ADCY2: variants seen among roughly 807,000 people sequenced by gnomAD.
ADCY2 encodes adenylate cyclase 2.
In ADCY2, 31 loss-of-function variants were observed where a neutral mutation model predicts 125.2. That is an observed-to-expected ratio of 0.25 (90% CI 0.19 to 0.33). The LOEUF (loss-of-function observed/expected upper bound fraction) is 0.33. Among genes scored for constraint, ADCY2 ranks in the 10% least tolerant of loss-of-function variants. ADCY2 has a pLI of 1.00. For synonymous variants in ADCY2, 512 were observed against 548.4 expected, an observed-to-expected ratio of 0.93 and a Z score of 0.93; for missense variants, 904 against 1,418.2, an observed-to-expected ratio of 0.64 and a Z score of 5.82.
At chr5:7,503,243 C>T (rs1048184771) in intron 2 of ADCY2, among the ~76,000 whole-genome samples, 2 of 152,126 alleles carry the variant, frequency 1.3e-5, no homozygotes, top group African/African-American at 4.8e-5. Context: ...CATATAAGTG[C>T]TTTTAATTGT....
chr5:7,446,538 A>G (rs1741258706), intron 2 of ADCY2, among the ~76,000 whole-genome samples: 1 of 92,640 alleles, frequency 1.1e-5, no homozygotes, highest in Admixed American at 9.7e-5. Flanking sequence ...TCTGAAATAA[A>G]TACATACATA....
intron 6 of ADCY2, 77 bp downstream of exon 6, chr5:7,695,940 A>G (rs1400133598): frequency 2.2e-6 from 2 of 922,938 alleles, no homozygotes; most frequent in African/African-American, 1.7e-5. Flanking sequence ...ACCTATCAAT[A>G]GTTTACTTTT....
intron 3 of ADCY2, among the ~76,000 whole-genome samples, chr5:7,621,243 T>C (rs1426499168): frequency 6.6e-6 from 1 of 152,100 alleles, no homozygotes; most frequent in Non-Finnish European, 1.5e-5. Flanking sequence ...CTCACTCTCC[T>C]CTAAACACGC....
intron 13 of ADCY2, among the ~76,000 whole-genome samples, chr5:7,725,736 A>G (rs1391822455): frequency 1.3e-5 from 2 of 152,242 alleles, no homozygotes; most frequent in African/African-American, 4.8e-5. Context: ...GTTAAAAGAT[A>G]AGGATTTAAT....
chr5:7,768,687 T>A (rs1391149535), intron 17 of ADCY2, among the ~76,000 whole-genome samples: 2 of 152,202 alleles, frequency 1.3e-5, no homozygotes, highest in Admixed American at 6.5e-5. Flanking sequence ...CAAAGAAAAT[T>A]ATTAAAAACT....
intron 4 of ADCY2, among the ~76,000 whole-genome samples, chr5:7,637,898 C>A (rs1385244981): frequency 6.6e-6 from 1 of 152,170 alleles, no homozygotes; most frequent in East Asian, 1.9e-4. Context: ...ACTACAAGCA[C>A]AATCCTCATT....
intron 4 of ADCY2, among the ~76,000 whole-genome samples, chr5:7,663,386 T>C (rs182939279): frequency 4.9e-4 from 75 of 152,346 alleles, no homozygotes; most frequent in Admixed American, 4.9e-3. Context: ...TGTCTCTGGG[T>C]GCACTTTTGT....
At chr5:7,498,266 T>TA (rs1307099028) in intron 2 of ADCY2, among the ~76,000 whole-genome samples, 4 of 132,562 alleles carry the variant, frequency 3.0e-5, no homozygotes, top group African/African-American at 1.1e-4. Flanking sequence ...TTTTTTTTTT[T>TA]AAGACAGAGT....
chr5:7,749,700 C>T, intron 15 of ADCY2: 1 of 152,148 alleles, frequency 6.6e-6, no homozygotes, highest in South Asian at 2.1e-4. Flanking sequence ...AATGAAAATG[C>T]CAGAAAATAT....
intron 3 of ADCY2, among the ~76,000 whole-genome samples, chr5:7,582,854 G>A (rs767285184): frequency 2.9e-4 from 44 of 152,058 alleles, no homozygotes; most frequent in Non-Finnish European, 5.7e-4. Flanking sequence ...TGCAGGGCAT[G>A]CAAATGAAGA....
intron 22 of ADCY2, among the ~76,000 whole-genome samples, chr5:7,808,922 T>C (rs2126529041): frequency 6.6e-6 from 1 of 152,370 alleles, no homozygotes; most frequent in African/African-American, 2.4e-5. Flanking sequence ...ATGACTGTTT[T>C]CAGGGTAGAG....
At chr5:7,665,809 G>GT (rs930854121) in intron 4 of ADCY2, among the ~76,000 whole-genome samples, 24 of 55,398 alleles carry the variant, frequency 4.3e-4, no homozygotes, top group South Asian at 1.1e-3. Flanking sequence ...TTTATGTTTT[G>GT]TTTTTTTTTA....
intron 2 of ADCY2, among the ~76,000 whole-genome samples, chr5:7,447,577 C>T (rs1343476136): frequency 6.6e-6 from 1 of 152,188 alleles, no homozygotes; most frequent in Non-Finnish European, 1.5e-5. Flanking sequence ...TGTTTGTCTG[C>T]CTTTCTTCTA....
intron 3 of ADCY2, among the ~76,000 whole-genome samples, chr5:7,593,217 G>A (rs1736905017): frequency 6.6e-6 from 1 of 152,134 alleles, no homozygotes; most frequent in Admixed American, 6.5e-5. Flanking sequence ...CTGGGACTAG[G>A]CAATGGAGAA....
chr5:7,684,273 G>T (rs1740437785), intron 4 of ADCY2, among the ~76,000 whole-genome samples: 1 of 152,348 alleles, frequency 6.6e-6, no homozygotes, highest in Non-Finnish European at 1.5e-5. Flanking sequence ...GCACCAGCCT[G>T]CAGGGCTGAC....
At chr5:7,637,192 G>A (rs888583802) in intron 4 of ADCY2, among the ~76,000 whole-genome samples, 38 of 152,166 alleles carry the variant, frequency 2.5e-4, no homozygotes, top group East Asian at 2.3e-3. Flanking sequence ...AGTTGGGGCC[G>A]GGTGTGCTGG....
chr5:7,426,999 A>G (rs1015105740), intron 2 of ADCY2, among the ~76,000 whole-genome samples: 4 of 152,210 alleles, frequency 2.6e-5, no homozygotes, highest in African/African-American at 9.6e-5. Flanking sequence ...CTGCCAGAAC[A>G]AAGTACCACA....
intron 3 of ADCY2, among the ~76,000 whole-genome samples, chr5:7,532,431 T>C (rs939111736): frequency 2.0e-5 from 3 of 152,238 alleles, no homozygotes; most frequent in South Asian, 4.1e-4. Flanking sequence ...ATTTCCACTT[T>C]ACATATTTTA....
intron 5 of ADCY2, among the ~76,000 whole-genome samples, chr5:7,693,712 C>G (rs1561170889): frequency 6.6e-6 from 1 of 152,284 alleles, no homozygotes; most frequent in East Asian, 1.9e-4. Context: ...CGTGAGCCAC[C>G]ACGCCCGGCC....
Sources: allele counts gnomAD v4.1 joint callset (sites outside exome capture counted in the v4.1 genomes callset), GRCh38; gene constraint gnomAD v4.1.1; transcripts MANE v1.5; gene names NCBI Gene and HGNC (gene_info 2026-07-23, HGNC 2026-07-21).